The following MAST4 variants were observed in gnomAD, a reference collection of about 807,000 sequenced individuals.
MAST4 encodes microtubule-associated serine/threonine-protein kinase 4.
A neutral mutation model predicts 162.7 loss-of-function variants in MAST4; 89 were observed. The ratio of observed to expected loss-of-function variants is 0.55; its 90% CI spans 0.46 to 0.65. The LOEUF (loss-of-function observed/expected upper bound fraction) is 0.65. MAST4 is among the 30% of genes least tolerant of loss of function. The probability of loss-of-function intolerance (pLI) is 0.00; values close to 1 mark genes in which losing one functional copy is unlikely to be tolerated. For missense variants in MAST4, 3,153 were observed against 3,374.0 expected (o/e 0.93, Z 1.62); for synonymous variants, 1,479 against 1,361.1 (o/e 1.09, Z -1.91).
At chr5:67,011,944 CATAAG>C (rs1561530975) in intron 4 of MAST4, among the ~76,000 whole-genome samples, 2 of 152,106 alleles carry the variant, frequency 1.3e-5, no homozygotes, top group African/African-American at 4.8e-5. Flanking sequence ...AAAAATAAAA[CATAAG>C]AATTATGGAG....
intron 3 of MAST4, among the ~76,000 whole-genome samples, chr5:66,865,468 T>C (rs1286856617): frequency 6.6e-6 from 1 of 152,242 alleles, no homozygotes; most frequent in Non-Finnish European, 1.5e-5. Flanking sequence ...AAATGCATAT[T>C]ACAAAGACAT....
At chr5:67,075,596 G>GGA (rs1761544162) in intron 5 of MAST4, among the ~76,000 whole-genome samples, 1 of 149,906 alleles carries the variant, frequency 6.7e-6, no homozygotes, top group African/African-American at 2.5e-5. Context: ...TTATCTTTTA[G>GGA]AAAAAAAAAG....
intron 11 of MAST4, among the ~76,000 whole-genome samples, chr5:67,112,514 G>A (rs1766369080): frequency 6.6e-6 from 1 of 152,172 alleles, no homozygotes; most frequent in Non-Finnish European, 1.5e-5. Flanking sequence ...CCGTCTGGCT[G>A]TAAACCAAGG....
intron 4 of MAST4, among the ~76,000 whole-genome samples, chr5:66,949,742 T>C (rs1744446718): frequency 6.6e-6 from 1 of 152,212 alleles, no homozygotes; most frequent in African/African-American, 2.4e-5. Context: ...CTTTTAATCC[T>C]ATTTTTCGTG....
intron 3 of MAST4, among the ~76,000 whole-genome samples, chr5:66,888,751 C>A (rs1411532262): frequency 6.6e-6 from 1 of 152,166 alleles, no homozygotes; most frequent in African/African-American, 2.4e-5. Flanking sequence ...GTGAGAGACA[C>A]AATTCTTAAT....
At position 67,149,445 on chromosome 5, in the gene MAST4, A is replaced by C. The variant is rs756372554; in HGVS notation, c.3151A>C (p.Ser1051Arg). ...QINGRSECVD[S>R]TDNSSKPSSE... is the part of the protein sequence containing the mutation. ...AAATGGACGAAGCGAGTGTGTGGAC[A>C]GTACAGATAATTCCTCAAAGCCATC... Residue 1051 changes from serine (S) to arginine (R), a missense_variant, in exon 24 of 29, where the codon AGT (serine) becomes CGT (arginine). Around this residue, in one of 7 missense-constraint regions of MAST4, gnomAD observed 619 missense variants for 744.2 expected, o/e 0.83. Transcript: ENST00000403625. The C allele has an allele frequency of 6.2e-7, 1 of 1,613,788 alleles. No homozygotes were observed. Among genetic ancestry groups the C allele is most frequent in the Non-Finnish European group, 8.5e-7 (1 of 1,179,808 alleles).
At chr5:66,704,491 T>TG (rs1192977058) in intron 1 of MAST4, among the ~76,000 whole-genome samples, 3 of 129,820 alleles carry the variant, frequency 2.3e-5, no homozygotes, top group Admixed American at 7.5e-5. Context: ...TGCTTGTTGT[T>TG]CTTTTTTTTT....
chr5:66,623,680 A>ACTTAGTTTTTCCT (rs1202647666), intron 1 of MAST4, among the ~76,000 whole-genome samples: 4 of 152,216 alleles, frequency 2.6e-5, no homozygotes, highest in African/African-American at 9.7e-5. Flanking sequence ...ATGGGCTAAA[A>ACTTAGTTTTTCCT]CTTAGTTTTT....
At chr5:66,643,134 A>G (rs1394540217) in intron 1 of MAST4, among the ~76,000 whole-genome samples, 1 of 152,204 alleles carries the variant, frequency 6.6e-6, no homozygotes. Context: ...GTTATCTGAC[A>G]TTATAGAATT....
chr5:67,040,717 G>C (rs752303816), intron 4 of MAST4, among the ~76,000 whole-genome samples: 1 of 152,206 alleles, frequency 6.6e-6, no homozygotes, highest in Non-Finnish European at 1.5e-5. Context: ...TGGATTCCTA[G>C]TTACCAAGCT....
At chr5:66,850,849 TC>T (rs1441468288) in intron 3 of MAST4, among the ~76,000 whole-genome samples, 17 of 152,098 alleles carry the variant, frequency 1.1e-4, no homozygotes, top group Non-Finnish European at 1.6e-4. Context: ...TTCAGAGTGT[TC>T]ATTAATATCC....
chr5:66,865,802 C>T (rs1358281998), intron 3 of MAST4, among the ~76,000 whole-genome samples: 2 of 152,116 alleles, frequency 1.3e-5, no homozygotes, highest in African/African-American at 4.8e-5. Flanking sequence ...AGGCCAGGTG[C>T]GGTGGCTCAC....
At chr5:67,100,309 A>C in intron 7 of MAST4, 126 bp from the exon 8 acceptor site, 1 of 910,330 alleles carries the variant, frequency 1.1e-6, no homozygotes, top group Non-Finnish European at 1.6e-6. Context: ...CGTTCTTATA[A>C]CTTTAACATG....
At chr5:66,833,635 C>A (rs1048972855) in intron 3 of MAST4, among the ~76,000 whole-genome samples, 1 of 152,132 alleles carries the variant, frequency 6.6e-6, no homozygotes, top group Non-Finnish European at 1.5e-5. Context: ...CCTACAATAT[C>A]CTTTCTTTAT....
chr5:67,118,945 C>T (rs1303413088), intron 13 of MAST4, among the ~76,000 whole-genome samples, 196 bp downstream of exon 13: 1 of 152,170 alleles, frequency 6.6e-6, no homozygotes, highest in Non-Finnish European at 1.5e-5. Context: ...ATAGTCTGTC[C>T]AGTCCCAGAA....
At chr5:66,955,136 G>A (rs1053363564) in intron 4 of MAST4, among the ~76,000 whole-genome samples, 4 of 150,470 alleles carry the variant, frequency 2.7e-5, no homozygotes, top group African/African-American at 7.4e-5. Context: ...AATCCAGGAG[G>A]TGGAGGCAGA....
intron 5 of MAST4, among the ~76,000 whole-genome samples, chr5:67,069,919 T>TG (rs70987153): frequency 3.3e-5 from 5 of 149,356 alleles, no homozygotes; most frequent in South Asian, 4.3e-4. Flanking sequence ...TGTGTGTGTG[T>TG]TCCTCAGCAA....
At chr5:66,635,297 A>G (rs1745041561) in intron 1 of MAST4, among the ~76,000 whole-genome samples, 1 of 152,196 alleles carries the variant, frequency 6.6e-6, no homozygotes, top group South Asian at 2.1e-4. Flanking sequence ...ACGACACGTT[A>G]GTTTTGTTTG....
chr5:67,135,157 T>A (rs1012277201), intron 18 of MAST4, among the ~76,000 whole-genome samples: 2 of 152,128 alleles, frequency 1.3e-5, no homozygotes, highest in African/African-American at 4.8e-5. Context: ...TAATAAATAA[T>A]GAGAATGGGA....
Sources: gnomAD v4.1 joint callset for allele counts (sites outside exome capture counted in the v4.1 genomes callset) on GRCh38, gnomAD v4.1.1 for gene constraint, gnomAD v4.1.1 regional missense constraint, MANE v1.5 for transcripts, NCBI Gene and HGNC (gene_info 2026-07-23, HGNC 2026-07-21) for gene names.